Variants in LRCH1 observed in about 807,000 individuals in gnomAD.
LRCH1 encodes leucine-rich repeat and calponin homology domain-containing protein 1.
In LRCH1, 23 loss-of-function variants were observed where a neutral mutation model predicts 94.9. The ratio of observed to expected loss-of-function variants is 0.24; its 90% CI spans 0.17 to 0.34. The LOEUF (loss-of-function observed/expected upper bound fraction) is 0.34. Among genes scored for constraint, LRCH1 ranks in the 10% least tolerant of loss-of-function variants. The pLI is 1.00. For missense variants in LRCH1, 790 were observed against 945.9 expected (o/e 0.84, Z 2.16); for synonymous variants, 364 against 354.9 (o/e 1.03, Z -0.29).
intron 17 of LRCH1, among the ~76,000 whole-genome samples, chr13:46,727,062 G>A (rs558393605): frequency 6.6e-6 from 1 of 152,232 alleles, no homozygotes; most frequent in Non-Finnish European, 1.5e-5. Flanking sequence ...AGAATTATTT[G>A]ACAGATATTT....
At chr13:46,559,982 C>A (rs1857469032) in intron 1 of LRCH1, among the ~76,000 whole-genome samples, 1 of 152,090 alleles carries the variant, frequency 6.6e-6, no homozygotes, top group Admixed American at 6.6e-5. Context: ...CTTTTGAAAT[C>A]CATGTTGACG....
chr13:46,591,199 T>G (rs2050495997), intron 1 of LRCH1, among the ~76,000 whole-genome samples: 2 of 152,226 alleles, frequency 1.3e-5, no homozygotes, highest in African/African-American at 4.8e-5. Flanking sequence ...TGAATTGCCT[T>G]GGCTCCATAC....
chr13:46,563,882 C>T (rs1197233838), intron 1 of LRCH1, among the ~76,000 whole-genome samples: 1 of 152,128 alleles, frequency 6.6e-6, no homozygotes, highest in Non-Finnish European at 1.5e-5. Flanking sequence ...CAGAGTCTCC[C>T]AGGCTCACAT....
intron 1 of LRCH1, among the ~76,000 whole-genome samples, chr13:46,613,218 T>C (rs2138006679): frequency 1.3e-5 from 2 of 152,110 alleles, no homozygotes; most frequent in Middle Eastern, 6.8e-3. Context: ...GGTGAAACCC[T>C]GTCTCTACTA....
At chr13:46,705,361 G>A in intron 13 of LRCH1, 57 bp downstream of exon 13, 1 of 1,382,550 alleles carries the variant, frequency 7.2e-7, no homozygotes, top group Middle Eastern at 1.8e-4. Context: ...ATGGAATACT[G>A]GCCACCACAT....
chr13:46,627,812 C>T (rs554646338), intron 1 of LRCH1, among the ~76,000 whole-genome samples: 2 of 152,234 alleles, frequency 1.3e-5, no homozygotes, highest in African/African-American at 4.8e-5. Context: ...TTTATTTATA[C>T]TTTTTGGATC....
At chr13:46,574,733 G>C (rs2050282046) in intron 1 of LRCH1, among the ~76,000 whole-genome samples, 1 of 151,174 alleles carries the variant, frequency 6.6e-6, no homozygotes, top group East Asian at 1.9e-4. Flanking sequence ...TCATTTAAAA[G>C]GTTTTTTAAA....
Position 46,653,771 on chromosome 13 carries a change from G to A in LRCH1, c.452+3426G>A, listed in dbSNP as rs1162259740. The stretch of plus-strand genomic sequence containing the variant: ...TGGGAGGTTGAAGCTGCGGTGAGCC[G>A]TGATTGTGCTACTGCATTCCAGCCT... On this transcript the variant is annotated intron_variant, in intron 2 of 19. Coordinates refer to ENST00000389797, the MANE Select transcript of LRCH1 (RefSeq NM_001164211.2). Among the ~76,000 whole-genome samples the A allele has an allele frequency of 5.3e-5, 8 of 152,170 alleles. No homozygotes were observed. The South Asian group carries it at 6.2e-4, about 12-fold the overall frequency.
intron 1 of LRCH1, among the ~76,000 whole-genome samples, chr13:46,620,129 A>G (rs1293508806): frequency 6.6e-6 from 1 of 152,112 alleles, no homozygotes; most frequent in Non-Finnish European, 1.5e-5. Flanking sequence ...ATAGAGTCCA[A>G]ACTCCTTCCC....
chr13:46,697,922 CA>C (rs372529256), intron 9 of LRCH1, among the ~76,000 whole-genome samples: 1 of 151,958 alleles, frequency 6.6e-6, no homozygotes, highest in African/African-American at 2.4e-5. Context: ...AGTTGTGAAA[CA>C]AAAAAATAAA....
At position 46,595,293 on chromosome 13, in the gene LRCH1, C is replaced by T. The variant is rs188374187; in HGVS notation, c.307+41590C>T. ...AAGTGTTAGAAGAAACCATACCTTT[C>T]CTGATGGTGCTGCATGGCTAGCCTA... On this transcript the variant is annotated intron_variant, in intron 1 of 19. Coordinates refer to ENST00000389797, the MANE Select transcript of LRCH1 (RefSeq NM_001164211.2). 1.3e-3 allele frequency among the ~76,000 whole-genome samples: 198 copies of T among 152,306 alleles called. 1 individual carries two copies. The highest frequency in any genetic ancestry group is 4.4e-3 in the Admixed American group (67 of 15,300).
In LRCH1 at chr13:46,726,675, G is replaced by A. The variant is rs564110965; in HGVS notation, c.1870-2172G>A. On this transcript the variant is annotated intron_variant, in intron 17 of 19. Coordinates refer to ENST00000389797, the MANE Select transcript of LRCH1 (RefSeq NM_001164211.2). ...TCCCCACTGGTCAGTAAGGAAGCTC[G>A]TCTGCTCCCAGAGTTTCAGTGGAGA... Among the ~76,000 whole-genome samples the A allele has an allele frequency of 4.6e-5, 7 of 152,126 alleles. No individual in the cohort carries two copies. The South Asian group carries it at 8.3e-4, about 18-fold the overall frequency.
At chr13:46,608,660 G>A (rs1245390670) in intron 1 of LRCH1, among the ~76,000 whole-genome samples, 1 of 152,056 alleles carries the variant, frequency 6.6e-6, no homozygotes, top group Non-Finnish European at 1.5e-5. Flanking sequence ...CAGTAAAGAG[G>A]GTGAAATTTA....
intron 11 of LRCH1, 39 bp from the exon 12 acceptor site, chr13:46,705,029 T>A (rs758402741): frequency 9.1e-7 from 1 of 1,100,006 alleles, no homozygotes; most frequent in Non-Finnish European, 1.3e-6. Flanking sequence ...AAATAAAAGT[T>A]TAATACGTTT....
chr13:46,667,011 C>T (rs1404926656), intron 2 of LRCH1, among the ~76,000 whole-genome samples: 1 of 152,162 alleles, frequency 6.6e-6, no homozygotes, highest in African/African-American at 2.4e-5. Flanking sequence ...TCCAATCCTG[C>T]TAACTAGGGA....
chr13:46,731,819 C>T (rs116960635), intron 18 of LRCH1, among the ~76,000 whole-genome samples: 3 of 152,148 alleles, frequency 2.0e-5, no homozygotes, highest in Non-Finnish European at 4.4e-5. Context: ...ACCTGCCCCC[C>T]AAATCTCCTT....
At chr13:46,676,226 A>C (rs972111018) in intron 3 of LRCH1, among the ~76,000 whole-genome samples, 1 of 151,460 alleles carries the variant, frequency 6.6e-6, no homozygotes, top group African/African-American at 2.4e-5. Context: ...GCGCCACCGC[A>C]CTCCAGCCTG....
At chr13:46,705,721 A>T (rs1039611956) in intron 13 of LRCH1, 4 of 338,066 alleles carry the variant, frequency 1.2e-5, no homozygotes, top group Non-Finnish European at 1.7e-5. Context: ...AGACAAGAAC[A>T]AATTATTTGG....
chr13:46,653,420 A>T (rs1234918662), intron 2 of LRCH1, among the ~76,000 whole-genome samples: 1 of 152,132 alleles, frequency 6.6e-6, no homozygotes, highest in Non-Finnish European at 1.5e-5. Flanking sequence ...TAAAGATATA[A>T]AAAAAAGTGT....
Sources: allele counts gnomAD v4.1 joint callset (sites outside exome capture counted in the v4.1 genomes callset), GRCh38; gene constraint gnomAD v4.1.1; transcripts MANE v1.5; gene names NCBI Gene and HGNC (gene_info 2026-07-23, HGNC 2026-07-21).